The following PAN3 variants were observed in gnomAD, a reference collection of about 807,000 sequenced individuals.
PAN3 encodes the protein poly(A) specific ribonuclease subunit PAN3.
Under a neutral mutation model 96.2 loss-of-function variants are expected in PAN3, and 19 were observed. That is an observed-to-expected ratio of 0.20 (90% confidence interval 0.14 to 0.29). PAN3 has a LOEUF of 0.29. PAN3 is among the 10% of genes least tolerant of loss of function. The pLI, the probability that PAN3 is intolerant of heterozygous loss-of-function variation, is 1.00. For missense variants in PAN3, 882 were observed against 1,108.1 expected (o/e 0.80, Z 2.90); for synonymous variants, 433 against 406.6 (o/e 1.06, Z -0.78).
chr13:28,140,662 G>A (rs1869629464), intron 1 of PAN3, among the ~76,000 whole-genome samples: 1 of 151,964 alleles, frequency 6.6e-6, no homozygotes, highest in South Asian at 2.1e-4. Flanking sequence ...GATTACAGGA[G>A]TGAGGCACCA....
chr13:28,149,225 G>A (rs1871066874), intron 1 of PAN3, among the ~76,000 whole-genome samples: 1 of 152,068 alleles, frequency 6.6e-6, no homozygotes, highest in Admixed American at 6.6e-5. Flanking sequence ...GCTTGGTGGT[G>A]CACCTGTAGT....
At chr13:28,238,801 T>C (rs565567592) in intron 6 of PAN3, among the ~76,000 whole-genome samples, 11 of 152,064 alleles carry the variant, frequency 7.2e-5, no homozygotes, top group Admixed American at 3.3e-4. Context: ...TTTTTTCCCC[T>C]TTTTTTTCAT....
At chr13:28,233,053 T>C (rs1333641757) in intron 6 of PAN3, among the ~76,000 whole-genome samples, 1 of 152,132 alleles carries the variant, frequency 6.6e-6, no homozygotes, top group African/African-American at 2.4e-5. Flanking sequence ...AGCATGCAGA[T>C]TGTTAAACTA....
At chr13:28,211,031 A>G (rs1879965379) in intron 5 of PAN3, among the ~76,000 whole-genome samples, 1 of 152,054 alleles carries the variant, frequency 6.6e-6, no homozygotes, top group African/African-American at 2.4e-5. Context: ...AGCTGGGACC[A>G]CAGGTGCGTA....
At chr13:28,138,411 AG>A (rs1869059858), upstream of PAN3, 2 of 241,522 alleles carry the variant, frequency 8.3e-6, no homozygotes. Flanking sequence ...GGCCCCTTTA[AG>A]AAAAGAGAAC....
chr13:28,210,382 A>G (rs1488000984), intron 5 of PAN3, among the ~76,000 whole-genome samples: 2 of 152,030 alleles, frequency 1.3e-5, no homozygotes, highest in Non-Finnish European at 2.9e-5. Flanking sequence ...GTCAAGTTAT[A>G]AATAGGAGAA....
At position 28,202,359 on chromosome 13, in the gene PAN3, A is replaced by G. The variant is rs145603903; in HGVS notation, c.852+5013A>G. ...TCTTACCCCTCTTCCCTTTTTTATAAATAGTGAGATTGTTTATTCCTTACG... is the reference window on the plus strand; with the variant it reads ...TCTTACCCCTCTTCCCTTTTTTATAGATAGTGAGATTGTTTATTCCTTACG... On this transcript the variant is annotated intron_variant, in intron 5 of 18. Coordinates refer to ENST00000380958, the MANE Select transcript of PAN3 (RefSeq NM_175854.8). Among the ~76,000 whole-genome samples, 1,043 of 152,222 alleles carry G rather than the reference A, an allele frequency of 6.9e-3. 11 individuals are homozygous for G. Among genetic ancestry groups the G allele is most frequent in the African/African-American group, 0.024 (1,008 of 41,538 alleles).
At chr13:28,180,216 T>C (rs924600582) in intron 4 of PAN3, among the ~76,000 whole-genome samples, 4 of 152,210 alleles carry the variant, frequency 2.6e-5, no homozygotes, top group Non-Finnish European at 4.4e-5. Flanking sequence ...ACTTAATGTC[T>C]GTCTAAATTG....
At chr13:28,254,178 T>C (rs535004455) in intron 6 of PAN3, among the ~76,000 whole-genome samples, 2 of 152,354 alleles carry the variant, frequency 1.3e-5, no homozygotes, top group East Asian at 3.9e-4. Context: ...ATATAGCATG[T>C]TGGCTGAGAG....
intron 1 of PAN3, among the ~76,000 whole-genome samples, chr13:28,161,820 G>A (rs920536232): frequency 3.9e-5 from 6 of 152,166 alleles, no homozygotes; most frequent in Non-Finnish European, 4.4e-5. Context: ...GTGAACTTTC[G>A]AGGGAGTTCC....
intron 5 of PAN3, 135 bp downstream of exon 5, chr13:28,197,481 A>G: frequency 1.3e-6 from 1 of 798,246 alleles, no homozygotes. Context: ...ATTTTTAATC[A>G]GAATAAAGTT....
At chr13:28,194,466 A>ATATATATATATATATTTT (rs1429166016) in intron 4 of PAN3, among the ~76,000 whole-genome samples, 1 of 122,132 alleles carries the variant, frequency 8.2e-6, no homozygotes, top group African/African-American at 3.6e-5. Context: ...ATATATATAT[A>ATATATATATATATATTTT]TTTTTTTTTT....
chr13:28,254,321 C>T (rs1212803570), intron 6 of PAN3, among the ~76,000 whole-genome samples: 1 of 152,180 alleles, frequency 6.6e-6, no homozygotes, highest in Non-Finnish European at 1.5e-5. Flanking sequence ...GCTATACCTA[C>T]CTCACAGGGT....
At chr13:28,256,016 A>C (rs1452469200) in intron 6 of PAN3, among the ~76,000 whole-genome samples, 1 of 152,096 alleles carries the variant, frequency 6.6e-6, no homozygotes, top group Non-Finnish European at 1.5e-5. Context: ...CTTGCTATTA[A>C]ATTTCCTGAT....
intron 5 of PAN3, among the ~76,000 whole-genome samples, chr13:28,211,684 A>G (rs1488905684): frequency 6.6e-6 from 1 of 152,222 alleles, no homozygotes; most frequent in African/African-American, 2.4e-5. Context: ...CATTACCACT[A>G]AATTTGTCTT....
At chr13:28,191,097 G>A (rs752480367) in intron 4 of PAN3, among the ~76,000 whole-genome samples, 41 of 152,180 alleles carry the variant, frequency 2.7e-4, no homozygotes, top group Admixed American at 1.5e-3. Context: ...CTAGAAGCTC[G>A]GAAGGGAAGA....
chr13:28,253,806 A>G (rs1312722088), intron 6 of PAN3, among the ~76,000 whole-genome samples: 1 of 152,140 alleles, frequency 6.6e-6, no homozygotes, highest in African/African-American at 2.4e-5. Flanking sequence ...AACTCCAGTC[A>G]GCCTCAGCTC....
Position 28,210,833 on chromosome 13 carries a change from C to G in PAN3, c.853-9398C>G, listed in dbSNP as rs1187853439. ...TCCATCTCCCTCTGTTCCTCTTTAT[C>G]CTGTGTTGCTTGTTAACACTGGAGA... On this transcript the variant is annotated intron_variant, in intron 5 of 18. Coordinates refer to ENST00000380958, the MANE Select transcript of PAN3 (RefSeq NM_175854.8). 2.0e-5 allele frequency among the ~76,000 whole-genome samples: 3 copies of G among 152,156 alleles called. No individual in the cohort carries two copies. In the East Asian group the frequency reaches 5.8e-4, roughly 29 times the overall value.
intron 1 of PAN3, among the ~76,000 whole-genome samples, chr13:28,172,377 A>T (rs1220661370): frequency 6.6e-6 from 1 of 151,994 alleles, no homozygotes; most frequent in African/African-American, 2.4e-5. Context: ...AATGGTGTGA[A>T]CCCAGGGGGC....
Sources: gnomAD v4.1 joint callset for allele counts (sites outside exome capture counted in the v4.1 genomes callset) on GRCh38, gnomAD v4.1.1 for gene constraint, MANE v1.5 for transcripts, NCBI Gene and HGNC (gene_info 2026-07-23, HGNC 2026-07-21) for gene names.